The following RNF180 variants were observed in gnomAD, a reference collection of about 807,000 sequenced individuals.
The protein encoded by RNF180 is E3 ubiquitin-protein ligase RNF180.
A neutral mutation model predicts 59.2 loss-of-function variants in RNF180; 38 were observed. The observed-to-expected ratio is 0.64, with a 90% CI of 0.50 to 0.84. The LOEUF (loss-of-function observed/expected upper bound fraction) is 0.84. Ranked by LOEUF, RNF180 falls within the 40% of genes least tolerant of loss-of-function variation. The pLI, the probability that RNF180 is intolerant of heterozygous loss-of-function variation, is 0.00. For synonymous variants in RNF180, 262 were observed against 240.3 expected (o/e 1.09, Z -0.84); for missense variants, 705 against 700.9 (o/e 1.01, Z -0.07).
chr5:64,185,084 C>T (rs1750805329), intron 1 of RNF180, among the ~76,000 whole-genome samples: 2 of 152,136 alleles, frequency 1.3e-5, no homozygotes, highest in South Asian at 4.1e-4. Flanking sequence ...TTGCTTATGA[C>T]AAAGAATTTG....
At position 64,177,565 on chromosome 5, in the gene RNF180, A is replaced by ATATATATATATT. The variant is rs1184255289; in HGVS notation, c.-1+11613_-1+11614insATATATATATTT. 3.9e-5 allele frequency among the ~76,000 whole-genome samples: 5 copies of ATATATATATATT among 128,088 alleles called. No homozygotes were observed. The East Asian group carries it at 1.1e-3, about 29-fold the overall frequency. 84.0% of individuals were successfully genotyped at this position (128,088 alleles called of 152,430 possible). On this transcript the variant is annotated intron_variant, in intron 1 of 7. Transcript: ENST00000389100. ...TATATATATATATATATATATATAT[A>ATATATATATATT]TGTATTTATTTCTTTCCTGAGTCAT...
intron 1 of RNF180, among the ~76,000 whole-genome samples, chr5:64,191,612 A>T (rs1751161388): frequency 6.6e-6 from 1 of 152,228 alleles, no homozygotes; most frequent in South Asian, 2.1e-4. Context: ...CTGTTGTCTA[A>T]TGACTTTAAA....
At chr5:64,179,528 G>A (rs1478357124) in intron 1 of RNF180, among the ~76,000 whole-genome samples, 1 of 152,036 alleles carries the variant, frequency 6.6e-6, no homozygotes, top group East Asian at 1.9e-4. Context: ...ATTCTTTAAT[G>A]TGTATATTTC....
chr5:64,199,707 G>T (rs1751639157), intron 1 of RNF180, among the ~76,000 whole-genome samples: 1 of 152,216 alleles, frequency 6.6e-6, no homozygotes, highest in Admixed American at 6.5e-5. Flanking sequence ...AACTAGGCAG[G>T]CCCATGTGGG....
intron 2 of RNF180, among the ~76,000 whole-genome samples, chr5:64,203,336 T>A (rs1333207706): frequency 6.6e-6 from 1 of 152,178 alleles, no homozygotes; most frequent in African/African-American, 2.4e-5. Context: ...GTCTTACAGA[T>A]TTTAAAGTAT....
intron 5 of RNF180, among the ~76,000 whole-genome samples, chr5:64,299,585 C>A (rs1743059131): frequency 6.6e-6 from 1 of 151,920 alleles, no homozygotes; most frequent in Non-Finnish European, 1.5e-5. Context: ...GAGACTGATT[C>A]TTAACAAGAG....
In RNF180 at chr5:64,217,544, A is replaced by T. The variant is rs1752698561; in HGVS notation, c.1227+148A>T. The T allele has an allele frequency of 4.2e-6, 5 of 1,199,752 alleles. No homozygotes were observed. The East Asian group carries it at 1.5e-4, about 36-fold the overall frequency. The allele number at this position is 1,199,752 out of a possible 1,614,324, so 74.3% of individuals were successfully genotyped here. A position where few individuals can be genotyped will look rare whatever the true frequency, so the allele number is the denominator to read the frequency against. ...TTCTCAGTGTTTTAAAATTTTAGTC[A>T]TTCAAATACATAGACAGTTGTATCA... On this transcript the variant is annotated intron_variant, in intron 5 of 7. Coordinates refer to ENST00000389100, the MANE Select transcript of RNF180 (RefSeq NM_001113561.2).
At chr5:64,185,228 A>G (rs1051086702) in intron 1 of RNF180, among the ~76,000 whole-genome samples, 9 of 152,186 alleles carry the variant, frequency 5.9e-5, no homozygotes, top group Non-Finnish European at 1.3e-4. Flanking sequence ...ACTTTTGGCT[A>G]TATTCCTGTA....
intron 1 of RNF180, among the ~76,000 whole-genome samples, chr5:64,190,641 A>G (rs1751098794): frequency 6.6e-6 from 1 of 152,076 alleles, no homozygotes; most frequent in Non-Finnish European, 1.5e-5. Context: ...CAATTTGGAG[A>G]TAAGGTTTTT....
At chr5:64,237,929 T>C (rs1742549636) in intron 5 of RNF180, among the ~76,000 whole-genome samples, 1 of 152,188 alleles carries the variant, frequency 6.6e-6, no homozygotes, top group Non-Finnish European at 1.5e-5. Context: ...ATTGCAAGTT[T>C]CCTGGGGCCT....
rs1033037255 is a variant in RNF180, at chr5:64,372,803, T to G, written c.*2989T>G. 2 of 151,838 alleles carry G rather than the reference T, an allele frequency of 1.3e-5. No individual in the cohort carries two copies. Among genetic ancestry groups the G allele is most frequent in the Admixed American group, 6.6e-5 (1 of 15,176 alleles). The allele number at this position is 151,838 out of a possible 1,614,324, so 9.4% of individuals were successfully genotyped here. The stretch of plus-strand genomic sequence containing the variant: ...TTGAAGTGTTTGATTGTCAGTAAAT[T>G]TTCGAAGAACATTAAAGTTCTACCA... On this transcript the variant is annotated 3_prime_UTR_variant, in exon 8 of 8. Transcript: ENST00000389100.
chr5:64,209,678 A>G (rs1427475399), intron 2 of RNF180, among the ~76,000 whole-genome samples: 2 of 152,080 alleles, frequency 1.3e-5, no homozygotes, highest in Non-Finnish European at 2.9e-5. Context: ...GTATGTAGAC[A>G]TAATCCTGAA....
intron 7 of RNF180, among the ~76,000 whole-genome samples, chr5:64,354,093 T>C (rs1745923615): frequency 6.6e-6 from 1 of 151,322 alleles, no homozygotes; most frequent in Non-Finnish European, 1.5e-5. Context: ...AACCCCAAGC[T>C]AGCAGAAGGA....
chr5:64,198,648 T>C (rs1390689709), intron 1 of RNF180, among the ~76,000 whole-genome samples: 2 of 152,122 alleles, frequency 1.3e-5, no homozygotes, highest in East Asian at 1.9e-4. Context: ...GATTCTGGTA[T>C]GAATCCTCCC....
rs1743094061 is a variant in RNF180, at chr5:64,245,488, C to T, written c.1227+28092C>T. Among the ~76,000 whole-genome samples the T allele has an allele frequency of 4.6e-5, 7 of 152,260 alleles. No homozygotes were observed. In the South Asian group the frequency reaches 1.5e-3, roughly 32 times the overall value. Reference sequence around the variant, plus strand: ...CAATCCTAGTCTCTGATAAAACAGACTTTAAACCAACAGAGATCAAAAAAG... The same window carrying T: ...CAATCCTAGTCTCTGATAAAACAGATTTTAAACCAACAGAGATCAAAAAAG... On this transcript the variant is annotated intron_variant, in intron 5 of 7. Coordinates refer to ENST00000389100, the MANE Select transcript of RNF180 (RefSeq NM_001113561.2).
chr5:64,363,818 A>G (rs970479500), intron 7 of RNF180, among the ~76,000 whole-genome samples: 1 of 151,740 alleles, frequency 6.6e-6, no homozygotes, highest in Admixed American at 6.6e-5. Context: ...GGTTAGCTGT[A>G]TTCCTGGGTA....
intron 5 of RNF180, among the ~76,000 whole-genome samples, chr5:64,306,094 G>A (rs759179263): frequency 1.3e-5 from 2 of 151,550 alleles, no homozygotes; most frequent in Admixed American, 6.6e-5. Flanking sequence ...CAGCTGTATT[G>A]TATTTTTATA....
intron 5 of RNF180, among the ~76,000 whole-genome samples, chr5:64,240,479 G>A (rs145482359): frequency 7.0e-4 from 107 of 152,250 alleles, no homozygotes; most frequent in African/African-American, 2.4e-3. Context: ...ACTAAACTTT[G>A]TTATTGCAGT....
At chr5:64,313,123 TATAC>T (rs568977002) in intron 5 of RNF180, among the ~76,000 whole-genome samples, 101 of 152,278 alleles carry the variant, frequency 6.6e-4, no homozygotes, top group African/African-American at 2.2e-3. Context: ...ATATACATAT[TATAC>T]ATATAGCCTG....
Sources: gnomAD v4.1 joint callset for allele counts (sites outside exome capture counted in the v4.1 genomes callset) on GRCh38, gnomAD v4.1.1 for gene constraint, MANE v1.5 for transcripts, NCBI Gene and HGNC (gene_info 2026-07-23, HGNC 2026-07-21) for gene names.